Variants in SUGCT observed in about 807,000 individuals in gnomAD.
SUGCT encodes the protein succinyl-CoA:glutarate-CoA transferase.
In SUGCT, 41 loss-of-function variants were observed where a neutral mutation model predicts 55.0. The observed-to-expected ratio is 0.74, with a 90% CI of 0.58 to 0.97. SUGCT has a LOEUF of 0.97. Among genes scored for constraint, SUGCT ranks in the 50% least tolerant of loss-of-function variants. The pLI is 0.00. For missense variants in SUGCT, 568 were observed against 547.8 expected (o/e 1.04, Z -0.37); for synonymous variants, 187 against 200.4 (o/e 0.93, Z 0.56).
the SUGCT span, among the ~76,000 whole-genome samples, chr7:40,894,641 T>C: frequency 6.6e-6 from 1 of 152,050 alleles, no homozygotes; most frequent in African/African-American, 2.4e-5. Context: ...CATTAAAAAG[T>C]GGACAAAGGA....
At chr7:40,993,617 T>C in the SUGCT span, among the ~76,000 whole-genome samples, 1 of 152,142 alleles carries the variant, frequency 6.6e-6, no homozygotes, top group Non-Finnish European at 1.5e-5. Context: ...TACTCCTTGA[T>C]AGGAGGTAGG....
Position 40,616,753 on chromosome 7 carries a change from T to A in SUGCT, c.1089+120367T>A, listed in dbSNP as rs372281174. On this transcript the variant is annotated intron_variant, in intron 12 of 13. Coordinates refer to ENST00000335693, the MANE Select transcript of SUGCT (RefSeq NM_001193313.2). Reference sequence around the variant, plus strand: ...AGTCCTGTTGGGGAACAGTCTTCAATAGAAGTGGGGTTCAGTCCCCTTCCC... The same window carrying A: ...AGTCCTGTTGGGGAACAGTCTTCAAAAGAAGTGGGGTTCAGTCCCCTTCCC... 2.6e-5 allele frequency among the ~76,000 whole-genome samples: 4 copies of A among 152,292 alleles called. 1 individual carries two copies. In the East Asian group the frequency reaches 7.7e-4, roughly 29 times the overall value.
the SUGCT span, among the ~76,000 whole-genome samples, chr7:40,923,048 C>T: frequency 6.6e-6 from 1 of 152,282 alleles, no homozygotes; most frequent in Admixed American, 6.5e-5. Context: ...GAGAGGTAGA[C>T]ATCAAGGCCA....
the SUGCT span, among the ~76,000 whole-genome samples, chr7:40,919,876 A>T: frequency 5.9e-5 from 9 of 152,148 alleles, no homozygotes; most frequent in Admixed American, 5.9e-4. Flanking sequence ...GATTCTTCAC[A>T]TGCATCTCCC....
intron 12 of SUGCT, among the ~76,000 whole-genome samples, chr7:40,689,797 A>T (rs967979749): frequency 1.3e-5 from 2 of 151,928 alleles, no homozygotes; most frequent in Non-Finnish European, 2.9e-5. Context: ...GGGATTGGGG[A>T]GAAGGATATT....
At chr7:40,758,279 GA>G (rs1172071508) in intron 13 of SUGCT, among the ~76,000 whole-genome samples, 2 of 151,868 alleles carry the variant, frequency 1.3e-5, no homozygotes, top group African/African-American at 4.8e-5. Flanking sequence ...GAATTTCATG[GA>G]ATTTTTTTTT....
chr7:40,977,250 A>G, the SUGCT span, among the ~76,000 whole-genome samples: 1 of 152,226 alleles, frequency 6.6e-6, no homozygotes, highest in Non-Finnish European at 1.5e-5. Flanking sequence ...TGCAATGTCA[A>G]TAATAATAGC....
At chr7:40,365,074 G>A (rs1783858624) in intron 9 of SUGCT, among the ~76,000 whole-genome samples, 1 of 152,028 alleles carries the variant, frequency 6.6e-6, no homozygotes, top group Non-Finnish European at 1.5e-5. Context: ...ATGATCAAGT[G>A]GGCTTCATCC....
At chr7:40,958,695 C>T in the SUGCT span, among the ~76,000 whole-genome samples, 1 of 151,996 alleles carries the variant, frequency 6.6e-6, no homozygotes, top group Non-Finnish European at 1.5e-5. Context: ...TGTCCAGTTT[C>T]GTTCCCTTGC....
the SUGCT span, among the ~76,000 whole-genome samples, chr7:40,921,548 G>A: frequency 1.3e-5 from 2 of 152,188 alleles, no homozygotes; most frequent in East Asian, 1.9e-4. Flanking sequence ...AGTGTAGGCT[G>A]GAATACTCTT....
intron 9 of SUGCT, among the ~76,000 whole-genome samples, chr7:40,438,740 C>T (rs1237380895): frequency 6.6e-6 from 1 of 151,804 alleles, no homozygotes; most frequent in Non-Finnish European, 1.5e-5. Flanking sequence ...ATGATTTGAG[C>T]TCTCCCTGTG....
At chr7:40,645,663 A>G (rs1476212303) in intron 12 of SUGCT, among the ~76,000 whole-genome samples, 1 of 152,176 alleles carries the variant, frequency 6.6e-6, no homozygotes, top group East Asian at 1.9e-4. Context: ...TGGAGGAGGC[A>G]GACCTTTGGT....
At position 40,451,588 on chromosome 7, in the gene SUGCT, A is replaced by G. The variant is rs535086831; in HGVS notation, c.888+2230A>G. Among the ~76,000 whole-genome samples, 11 of 151,914 alleles carry G rather than the reference A, an allele frequency of 7.2e-5. No individual in the cohort carries two copies. The South Asian group carries it at 2.1e-3, about 29-fold the overall frequency. On this transcript the variant is annotated intron_variant, in intron 10 of 13. Transcript: ENST00000335693. ...AATCCCTGTTATGAGCCATTAATCC[A>G]ATGTCTGTAAAACTCTTTGAGATTC...
At chr7:40,874,247 A>G in the SUGCT span, among the ~76,000 whole-genome samples, 2 of 152,232 alleles carry the variant, frequency 1.3e-5, no homozygotes, top group African/African-American at 4.8e-5. Flanking sequence ...GAAATGACTC[A>G]TCCAAAGCTA....
At chr7:40,227,846 A>G (rs1186337359) in intron 6 of SUGCT, among the ~76,000 whole-genome samples, 1 of 150,408 alleles carries the variant, frequency 6.6e-6, no homozygotes, top group East Asian at 1.9e-4. Flanking sequence ...TAATTCCTTT[A>G]TTTTATTTAT....
intron 12 of SUGCT, among the ~76,000 whole-genome samples, chr7:40,587,067 G>C (rs1327836592): frequency 6.6e-6 from 1 of 152,214 alleles, no homozygotes; most frequent in Admixed American, 6.5e-5. Context: ...TATTCCATTT[G>C]TATGACGTTC....
At chr7:40,146,633 G>A (rs1054525031) in intron 1 of SUGCT, among the ~76,000 whole-genome samples, 10 of 152,256 alleles carry the variant, frequency 6.6e-5, no homozygotes, top group Non-Finnish European at 1.3e-4. Context: ...TCATGCTATT[G>A]TTTGTGGTTT....
At chr7:40,223,077 T>G (rs1222159750) in intron 6 of SUGCT, among the ~76,000 whole-genome samples, 3 of 151,736 alleles carry the variant, frequency 2.0e-5, no homozygotes, top group Non-Finnish European at 2.9e-5. Flanking sequence ...CTTTCTTTCT[T>G]TTTGAGGTAG....
At chr7:40,570,254 A>G (rs552763962) in intron 12 of SUGCT, among the ~76,000 whole-genome samples, 1 of 152,332 alleles carries the variant, frequency 6.6e-6, no homozygotes, top group South Asian at 2.1e-4. Context: ...TGGAGGACAC[A>G]GGGTTAACAT....
Sources: allele counts gnomAD v4.1 joint callset (sites outside exome capture counted in the v4.1 genomes callset), GRCh38; gene constraint gnomAD v4.1.1; transcripts MANE v1.5; gene names NCBI Gene and HGNC (gene_info 2026-07-23, HGNC 2026-07-21).